CHSY3: variants seen among roughly 807,000 people sequenced by gnomAD.
The protein encoded by CHSY3 is chondroitin sulfate synthase 3, also known as N-acetylgalactosaminyl-proteoglycan 3-beta-glucuronosyltransferase 3.
CHSY3 carries 35 observed loss-of-function variants against 67.2 expected under a neutral mutation model. The observed-to-expected ratio is 0.52, with a 90% confidence interval of 0.40 to 0.69. CHSY3 has a LOEUF of 0.69. Ranked by LOEUF, CHSY3 falls within the 30% of genes least tolerant of loss-of-function variation. The pLI, the probability that CHSY3 is intolerant of heterozygous loss-of-function variation, is 0.00. For synonymous variants in CHSY3, 474 were observed against 434.7 expected (o/e 1.09, Z -1.12); for missense variants, 1,069 against 1,138.5 (o/e 0.94, Z 0.88).
At chr5:129,941,926 A>C (rs1761711292) in intron 2 of CHSY3, among the ~76,000 whole-genome samples, 1 of 152,152 alleles carries the variant, frequency 6.6e-6, no homozygotes, top group African/African-American at 2.4e-5. Context: ...TCGCTCACAG[A>C]ACTCAGGGAA....
intron 2 of CHSY3, among the ~76,000 whole-genome samples, chr5:129,987,658 G>T (rs979179678): frequency 6.6e-5 from 10 of 152,112 alleles, no homozygotes; most frequent in African/African-American, 2.4e-4. Flanking sequence ...TTCAAAACAA[G>T]ATCACACTGT....
chr5:129,959,567 G>T (rs1219712920), intron 2 of CHSY3, among the ~76,000 whole-genome samples: 1 of 151,928 alleles, frequency 6.6e-6, no homozygotes, highest in Non-Finnish European at 1.5e-5. Flanking sequence ...TAAATAGGGA[G>T]GAATAACAAT....
chr5:129,955,577 A>G (rs1338053293), intron 2 of CHSY3, among the ~76,000 whole-genome samples: 1 of 151,464 alleles, frequency 6.6e-6, no homozygotes, highest in Admixed American at 6.6e-5. Context: ...TTTTAAGTTC[A>G]GGGGTACATG....
intron 2 of CHSY3, among the ~76,000 whole-genome samples, chr5:129,985,419 T>C (rs771520002): frequency 6.6e-6 from 1 of 152,168 alleles, no homozygotes; most frequent in Non-Finnish European, 1.5e-5. Context: ...TTGTTTTGGT[T>C]ACTCTAGCAT....
intron 2 of CHSY3, among the ~76,000 whole-genome samples, chr5:129,990,348 G>A (rs1288174323): frequency 6.8e-6 from 1 of 147,518 alleles, no homozygotes. Flanking sequence ...GAAGCATCAG[G>A]AATGGGGCTG....
intron 2 of CHSY3, among the ~76,000 whole-genome samples, chr5:130,178,409 C>T (rs181033549): frequency 1.3e-5 from 2 of 151,162 alleles, no homozygotes; most frequent in East Asian, 3.9e-4. Context: ...CCCACCACCA[C>T]GCCTGGCTAA....
chr5:129,934,687 G>A (rs1305526330), intron 2 of CHSY3, among the ~76,000 whole-genome samples: 1 of 152,148 alleles, frequency 6.6e-6, no homozygotes, highest in East Asian at 1.9e-4. Flanking sequence ...ACTGGTCCTG[G>A]ATAGTGCTGG....
intron 1 of CHSY3, among the ~76,000 whole-genome samples, chr5:129,906,640 CT>C (rs1353044524): frequency 2.0e-5 from 3 of 152,220 alleles, no homozygotes; most frequent in Admixed American, 6.5e-5. Context: ...AGAAGTGAAT[CT>C]TTCCAGTCCA....
intron 2 of CHSY3, among the ~76,000 whole-genome samples, chr5:130,092,588 T>C (rs1487730976): frequency 6.6e-6 from 1 of 152,224 alleles, no homozygotes; most frequent in Non-Finnish European, 1.5e-5. Context: ...TGTCCATCTT[T>C]CACTTTAAAT....
chr5:129,977,646 C>T (rs1381482517), intron 2 of CHSY3, among the ~76,000 whole-genome samples: 4 of 151,784 alleles, frequency 2.6e-5, no homozygotes, highest in Non-Finnish European at 5.9e-5. Context: ...TAATTATTTC[C>T]CTTGAGTAAA....
chr5:129,992,432 G>A (rs990519316), intron 2 of CHSY3, among the ~76,000 whole-genome samples: 1 of 151,968 alleles, frequency 6.6e-6, no homozygotes, highest in Non-Finnish European at 1.5e-5. Context: ...CTGAATTATT[G>A]CTCTTTTTAA....
chr5:130,087,784 C>T (rs1766707186), intron 2 of CHSY3, among the ~76,000 whole-genome samples: 1 of 151,522 alleles, frequency 6.6e-6, no homozygotes, highest in African/African-American at 2.4e-5. Flanking sequence ...TGAAAATGGC[C>T]ATACCGCCCA....
At chr5:130,111,928 C>T (rs1013889014) in intron 2 of CHSY3, among the ~76,000 whole-genome samples, 4 of 152,108 alleles carry the variant, frequency 2.6e-5, no homozygotes, top group Admixed American at 2.6e-4. Context: ...GTGGTTGACT[C>T]ATTTAACCCT....
At chr5:130,025,199 G>A (rs539834578) in intron 2 of CHSY3, among the ~76,000 whole-genome samples, 151 of 152,226 alleles carry the variant, frequency 9.9e-4, no homozygotes, top group Admixed American at 2.9e-3. Context: ...AGAGAGAGTG[G>A]TGAAAGGATC....
At chr5:130,112,969 T>C (rs1767635517) in intron 2 of CHSY3, among the ~76,000 whole-genome samples, 1 of 152,112 alleles carries the variant, frequency 6.6e-6, no homozygotes, top group Non-Finnish European at 1.5e-5. Context: ...TACATAGTCA[T>C]TTGTAGCTTA....
rs186265680 is a variant in CHSY3, at chr5:130,147,973, A to G, written c.1087-36256A>G. Among the ~76,000 whole-genome samples, 228 of 152,190 alleles carry G rather than the reference A, an allele frequency of 1.5e-3. 1 individual carries two copies. The highest frequency in any genetic ancestry group is 4.7e-3 in the African/African-American group (196 of 41,536). The stretch of plus-strand genomic sequence containing the variant: ...TACCCAAGTATTAACCACAACAACC[A>G]TGGTTATTTTTCCTGATCCCCTCCC... On this transcript the variant is annotated intron_variant, in intron 2 of 2. Coordinates refer to ENST00000305031, the MANE Select transcript of CHSY3 (RefSeq NM_175856.5).
intron 2 of CHSY3, among the ~76,000 whole-genome samples, chr5:130,082,991 G>A (rs1766493685): frequency 6.6e-6 from 1 of 151,728 alleles, no homozygotes; most frequent in Admixed American, 6.6e-5. Context: ...TCCTGCACAT[G>A]TATCCCAGAA....
At chr5:130,060,175 T>C (rs1022566990) in intron 2 of CHSY3, among the ~76,000 whole-genome samples, 8 of 152,106 alleles carry the variant, frequency 5.3e-5, no homozygotes, top group African/African-American at 1.9e-4. Flanking sequence ...AAGAAAATAC[T>C]ACCAAACTGA....
chr5:130,040,429 T>C (rs1764976476), intron 2 of CHSY3, among the ~76,000 whole-genome samples: 1 of 152,124 alleles, frequency 6.6e-6, no homozygotes, highest in Non-Finnish European at 1.5e-5. Flanking sequence ...AAATTGTTCA[T>C]ACATGTAATA....
Sources: allele counts gnomAD v4.1 joint callset (sites outside exome capture counted in the v4.1 genomes callset), GRCh38; gene constraint gnomAD v4.1.1; transcripts MANE v1.5; gene names NCBI Gene and HGNC (gene_info 2026-07-23, HGNC 2026-07-21).